The following ATG4C variants were observed in gnomAD, a reference collection of about 807,000 sequenced individuals.
ATG4C encodes the protein cysteine protease ATG4C.
In ATG4C, 56 loss-of-function variants were observed where a neutral mutation model predicts 57.6. That is an observed-to-expected ratio of 0.97 (90% confidence interval 0.78 to 1.21). The LOEUF (loss-of-function observed/expected upper bound fraction) is 1.21. ATG4C is among the 50% of genes most tolerant of loss of function. ATG4C has a pLI of 0.00. For synonymous variants in ATG4C, 157 were observed against 174.1 expected, an observed-to-expected ratio of 0.90 and a Z score of 0.78; for missense variants, 595 against 529.8, an observed-to-expected ratio of 1.12 and a Z score of -1.21.
chr1:62,833,369 T>A (rs1665901012), intron 7 of ATG4C, among the ~76,000 whole-genome samples: 1 of 152,178 alleles, frequency 6.6e-6, no homozygotes, highest in Admixed American at 6.5e-5. Flanking sequence ...TAGAGTTGAT[T>A]TGGCCTAACT....
At chr1:62,847,544 G>C (rs1572165999) in intron 10 of ATG4C, among the ~76,000 whole-genome samples, 1 of 152,210 alleles carries the variant, frequency 6.6e-6, no homozygotes, top group East Asian at 1.9e-4. Context: ...TTTTTGTAAG[G>C]ATATTAACAT....
At chr1:62,826,229 A>T (rs1572137730) in intron 6 of ATG4C, among the ~76,000 whole-genome samples, 1 of 86,552 alleles carries the variant, frequency 1.2e-5, no homozygotes, top group South Asian at 5.0e-4. Flanking sequence ...CCTCTACGTG[A>T]CCATTCCCTA....
chr1:62,816,686 A>T lies in ATG4C; in HGVS notation c.272A>T (p.Tyr91Phe). 6.2e-7 allele frequency: 1 copy of T among 1,613,888 alleles called. No homozygotes were observed. The highest frequency in any genetic ancestry group is 1.7e-5 in the Admixed American group (1 of 59,976). Residue 91 changes from tyrosine to phenylalanine, a missense_variant, in exon 4 of 11, where the codon TAC (tyrosine) becomes TTC (phenylalanine). Physicochemically the swap from Tyr to Phe is conservative, Grantham distance 22. Coordinates refer to ENST00000317868, the MANE Select transcript of ATG4C (RefSeq NM_032852.4). ...TTCATTTCTAGAATATGGCTGACCT[A>T]CAGGGAAGAATTCCCTCAAATAGAA... ...KDFISRIWLT[Y>F]REEFPQIEGS...
At chr1:62,826,911 G>A (rs1390526650) in intron 6 of ATG4C, among the ~76,000 whole-genome samples, 2 of 152,118 alleles carry the variant, frequency 1.3e-5, no homozygotes, top group African/African-American at 4.8e-5. Flanking sequence ...CTGGATAACT[G>A]CAGCGGCTTT....
intron 3 of ATG4C, among the ~76,000 whole-genome samples, chr1:62,806,433 C>T (rs1045333244): frequency 1.5e-4 from 23 of 151,284 alleles, no homozygotes; most frequent in African/African-American, 5.1e-4. Flanking sequence ...ATATATATGT[C>T]TGATACATAT....
chr1:62,813,059 T>C (rs915669394), intron 3 of ATG4C, among the ~76,000 whole-genome samples: 2 of 152,200 alleles, frequency 1.3e-5, no homozygotes, highest in Admixed American at 6.5e-5. Context: ...AAGTAATTTA[T>C]AGATTCAATG....
intron 5 of ATG4C, among the ~76,000 whole-genome samples, chr1:62,820,888 C>A (rs1339087499): frequency 6.6e-6 from 1 of 151,738 alleles, no homozygotes; most frequent in Non-Finnish European, 1.5e-5. Flanking sequence ...GAGCTTTATA[C>A]CCAATAATTT....
rs540591175 is a variant in ATG4C, at chr1:62,803,987, T to G, written c.76+125T>G. On this transcript the variant is annotated intron_variant, in intron 2 of 10. Coordinates refer to ENST00000317868, the MANE Select transcript of ATG4C (RefSeq NM_032852.4). ...GGCATACTTTACTTTGAATGAAATA[T>G]TTCTATAAGGAATGTAGTTAAAAAT... 1.1e-4 allele frequency: 61 copies of G among 555,600 alleles called. No individual in the cohort carries two copies. In the African/African-American group the frequency reaches 1.1e-3, roughly 10 times the overall value. The allele number at this position is 555,600 out of a possible 1,614,324, so 34.4% of individuals were successfully genotyped here.
At chr1:62,802,032 C>G (rs1286398296) in intron 1 of ATG4C, among the ~76,000 whole-genome samples, 1 of 145,504 alleles carries the variant, frequency 6.9e-6, no homozygotes, top group African/African-American at 2.5e-5. Flanking sequence ...TCAGAGACAT[C>G]TTAAATACCA....
intron 3 of ATG4C, among the ~76,000 whole-genome samples, chr1:62,806,600 A>T (rs958278659): frequency 6.6e-6 from 1 of 152,138 alleles, no homozygotes; most frequent in Admixed American, 6.6e-5. Flanking sequence ...TGAGGGAAAT[A>T]GAAGACTTCT....
intron 9 of ATG4C, chr1:62,835,311 G>A (rs1572149883): frequency 3.7e-6 from 1 of 272,522 alleles, no homozygotes; most frequent in East Asian, 1.1e-4. Context: ...TAGTTAGGAA[G>A]TTTTCAAGAG....
At chr1:62,814,454 G>A (rs908483944) in intron 3 of ATG4C, among the ~76,000 whole-genome samples, 2 of 152,044 alleles carry the variant, frequency 1.3e-5, no homozygotes, top group Admixed American at 6.5e-5. Flanking sequence ...AGTGGGTGGG[G>A]GACTAGGGGA....
intron 3 of ATG4C, among the ~76,000 whole-genome samples, chr1:62,810,040 A>G (rs184548011): frequency 2.0e-5 from 1 of 49,742 alleles, no homozygotes. Context: ...TTAACTTACG[A>G]CCCAACATTT....
chr1:62,787,258 A>G (rs943252775), intron 1 of ATG4C, among the ~76,000 whole-genome samples: 1 of 151,844 alleles, frequency 6.6e-6, no homozygotes, highest in Non-Finnish European at 1.5e-5. Flanking sequence ...TTTTGGTATC[A>G]TTTTTTCTTG....
chr1:62,821,055 G>A (rs1374758463), intron 5 of ATG4C, 84 bp from the exon 6 acceptor site: 14 of 1,048,766 alleles, frequency 1.3e-5, no homozygotes, highest in Non-Finnish European at 1.9e-5. Flanking sequence ...AAAACTGCTG[G>A]CATTTTTTCC....
chr1:62,816,707 T>C lies in ATG4C; in HGVS notation c.293T>C (p.Ile98Thr). Residue 98 changes from isoleucine to threonine, a missense_variant, in exon 4 of 11, where the codon ATA becomes ACA. Coordinates refer to ENST00000317868, the MANE Select transcript of ATG4C (RefSeq NM_032852.4). ...WLTYREEFPQ[I>T]EGSALTTDCG... is the part of the protein sequence containing the mutation. ...ACCTACAGGGAAGAATTCCCTCAAA[T>C]AGAAGGCTCAGCTTTGACAACAGAC... 1 of 1,613,872 alleles carries C rather than the reference T, an allele frequency of 6.2e-7. No homozygotes were observed. Among genetic ancestry groups the C allele is most frequent in the Non-Finnish European group, 8.5e-7 (1 of 1,179,860 alleles).
chr1:62,827,481 T>C (rs1665700291), intron 6 of ATG4C, among the ~76,000 whole-genome samples: 1 of 152,162 alleles, frequency 6.6e-6, no homozygotes, highest in South Asian at 2.1e-4. Flanking sequence ...CATTTCCTGT[T>C]CACTCTTCTC....
At chr1:62,834,163 G>A in intron 8 of ATG4C, 47 bp downstream of exon 8, 1 of 1,560,766 alleles carries the variant, frequency 6.4e-7, no homozygotes, top group Non-Finnish European at 8.8e-7. Flanking sequence ...TCTTTTAAAA[G>A]TCAGAAAGTT....
At chr1:62,803,100 T>C (rs1664736903) in intron 1 of ATG4C, among the ~76,000 whole-genome samples, 1 of 152,218 alleles carries the variant, frequency 6.6e-6, no homozygotes. Flanking sequence ...AACAGACACT[T>C]ATGAGCTACA....
Sources: allele counts gnomAD v4.1 joint callset (sites outside exome capture counted in the v4.1 genomes callset), GRCh38; gene constraint gnomAD v4.1.1; transcripts MANE v1.5; gene names NCBI Gene and HGNC (gene_info 2026-07-23, HGNC 2026-07-21).